The following FBXO10 variants were observed in gnomAD, a reference collection of about 807,000 sequenced individuals.
The protein encoded by FBXO10 is F-box protein 10, also known as F-box only protein 10.
FBXO10 carries 39 observed loss-of-function variants against 80.7 expected under a neutral mutation model. The ratio of observed to expected loss-of-function variants is 0.48; its 90% CI spans 0.37 to 0.63. The LOEUF (loss-of-function observed/expected upper bound fraction) is 0.63. Among genes scored for constraint, FBXO10 ranks in the 30% least tolerant of loss-of-function variants. The probability of loss-of-function intolerance (pLI) is 0.00; values close to 1 mark genes in which losing one functional copy is unlikely to be tolerated. For synonymous variants in FBXO10, 449 were observed against 489.6 expected (o/e 0.92, Z 1.09); for missense variants, 1,025 against 1,269.0 (o/e 0.81, Z 2.92).
chr9:37,553,381 G>A (rs906109380), intron 1 of FBXO10, among the ~76,000 whole-genome samples: 1 of 152,010 alleles, frequency 6.6e-6, no homozygotes, highest in African/African-American at 2.4e-5. Context: ...GGACTGACAC[G>A]TATTTTATGG....
chr9:37,556,072 T>G (rs1822327726), intron 1 of FBXO10, among the ~76,000 whole-genome samples: 1 of 152,244 alleles, frequency 6.6e-6, no homozygotes, highest in African/African-American at 2.4e-5. Flanking sequence ...CTAGCACCAT[T>G]TGTTGAAAAC....
chr9:37,521,903 TGA>T, intron 7 of FBXO10, 65 bp from the exon 8 acceptor site: 1 of 1,477,312 alleles, frequency 6.8e-7, no homozygotes, highest in African/African-American at 1.4e-5. Context: ...TGAGTCTCCC[TGA>T]GAGGGGAAAC....
intron 1 of FBXO10, among the ~76,000 whole-genome samples, chr9:37,542,155 T>C (rs1821936273): frequency 6.6e-6 from 1 of 151,452 alleles, no homozygotes; most frequent in South Asian, 2.1e-4. Flanking sequence ...AAATACCCCC[T>C]GCCATCTCCT....
chr9:37,564,877 G>A (rs1822565901), intron 1 of FBXO10, among the ~76,000 whole-genome samples: 1 of 152,210 alleles, frequency 6.6e-6, no homozygotes, highest in Non-Finnish European at 1.5e-5. Flanking sequence ...AGACTTTGGG[G>A]TACTGTTGGA....
intron 7 of FBXO10, 136 bp downstream of exon 7, chr9:37,522,689 A>T: frequency 8.4e-7 from 1 of 1,183,684 alleles, no homozygotes; most frequent in Non-Finnish European, 1.2e-6. Flanking sequence ...GGCCTGGGTG[A>T]CTGTGGCCTG....
chr9:37,531,672 C>T (rs1821626222), intron 4 of FBXO10, among the ~76,000 whole-genome samples: 1 of 152,194 alleles, frequency 6.6e-6, no homozygotes, highest in African/African-American at 2.4e-5. Context: ...TGAGGTTTCC[C>T]TGTCTTTCTG....
intron 3 of FBXO10, 81 bp downstream of exon 3, chr9:37,537,029 T>A (rs939106731): frequency 3.1e-5 from 34 of 1,110,104 alleles, no homozygotes; most frequent in Non-Finnish European, 4.4e-5. Context: ...AAATTATTTT[T>A]AAAATGCAAA....
chr9:37,539,080 A>G (rs1821853090), intron 2 of FBXO10, among the ~76,000 whole-genome samples: 1 of 152,226 alleles, frequency 6.6e-6, no homozygotes, highest in South Asian at 2.1e-4. Context: ...CATCAGATGT[A>G]TTTGAATCAT....
chr9:37,533,567 T>TA (rs974549863), intron 3 of FBXO10, among the ~76,000 whole-genome samples: 37 of 146,634 alleles, frequency 2.5e-4, no homozygotes, highest in Non-Finnish European at 4.1e-4. Flanking sequence ...AAAATTGAAT[T>TA]AAAAAAAACA....
chr9:37,561,277 A>C (rs1588858038), intron 1 of FBXO10, among the ~76,000 whole-genome samples: 1 of 150,156 alleles, frequency 6.7e-6, no homozygotes, highest in Non-Finnish European at 1.5e-5. Flanking sequence ...ACTCCTGGCC[A>C]CAAGTGATCC....
chr9:37,544,562 G>T (rs887060979), intron 1 of FBXO10, among the ~76,000 whole-genome samples: 8 of 152,188 alleles, frequency 5.3e-5, no homozygotes, highest in Non-Finnish European at 1.2e-4. Context: ...CCCCAAGAAG[G>T]CTAGGAGCAC....
Position 37,541,276 on chromosome 9 carries a change from C to A in FBXO10, c.493G>T (p.Ala165Ser). ...IVGQGKLGEVALLASIDQHCS... is the reference protein window; with the variant it reads ...IVGQGKLGEVSLLASIDQHCS... ...TGCTGATCAATGCTGGCCAGCAGGG[C>A]CACTTCACCCAACTTCCCCTGCCCT... The change falls in exon 2 of 11, where the codon GCC (alanine) becomes TCC (serine). Residue 165 changes from alanine to serine, a missense_variant. Around this residue, in one of 3 missense-constraint regions of FBXO10, gnomAD observed 450 missense variants for 499.4 expected, o/e 0.90. Coordinates refer to ENST00000432825, the MANE Select transcript of FBXO10 (RefSeq NM_012166.3). 2 of 1,613,966 alleles carry A rather than the reference C, an allele frequency of 1.2e-6. No individual in the cohort carries two copies. Among genetic ancestry groups the A allele is most frequent in the Non-Finnish European group, 8.5e-7 (1 of 1,179,868 alleles).
At chr9:37,551,514 G>T (rs1005945162) in intron 1 of FBXO10, among the ~76,000 whole-genome samples, 6 of 152,270 alleles carry the variant, frequency 3.9e-5, no homozygotes, top group African/African-American at 1.4e-4. Flanking sequence ...AAGGTAGACT[G>T]CTTGTGCCCT....
chr9:37,512,828 TA>T, intron 10 of FBXO10, 107 bp from the exon 11 acceptor site: 1 of 1,134,520 alleles, frequency 8.8e-7, no homozygotes, highest in Non-Finnish European at 1.2e-6. Flanking sequence ...TCCAGGTGTT[TA>T]AATCTGGGTG....
chr9:37,530,070 T>C (rs1821580040), intron 4 of FBXO10, among the ~76,000 whole-genome samples: 1 of 152,178 alleles, frequency 6.6e-6, no homozygotes, highest in Non-Finnish European at 1.5e-5. Context: ...ATCTAGTTTT[T>C]CTCTTTCCCA....
At chr9:37,523,614 A>C (rs1162975446) in intron 6 of FBXO10, among the ~76,000 whole-genome samples, 2 of 152,078 alleles carry the variant, frequency 1.3e-5, no homozygotes, top group African/African-American at 4.8e-5. Flanking sequence ...AACCAACCAA[A>C]CAAAAAGGAA....
At chr9:37,573,765 A>G (rs1361473950) in intron 1 of FBXO10, among the ~76,000 whole-genome samples, 2 of 152,234 alleles carry the variant, frequency 1.3e-5, no homozygotes, top group African/African-American at 4.8e-5. Context: ...TGAGACACAC[A>G]TGTTAAACAT....
intron 1 of FBXO10, among the ~76,000 whole-genome samples, chr9:37,565,733 A>G (rs1446604721): frequency 6.6e-6 from 1 of 152,236 alleles, no homozygotes; most frequent in Non-Finnish European, 1.5e-5. Context: ...AGAGGTGCAG[A>G]ACCACTGAAG....
chr9:37,534,522 G>C (rs1189970278), intron 3 of FBXO10, among the ~76,000 whole-genome samples: 1 of 152,252 alleles, frequency 6.6e-6, no homozygotes, highest in African/African-American at 2.4e-5. Flanking sequence ...GCTGAATGCA[G>C]GGCTGCATGT....
Sources: allele counts gnomAD v4.1 joint callset (sites outside exome capture counted in the v4.1 genomes callset), GRCh38; gene constraint gnomAD v4.1.1; regional missense constraint gnomAD v4.1.1; transcripts MANE v1.5; gene names NCBI Gene and HGNC (gene_info 2026-07-23, HGNC 2026-07-21).